The following RALGPS1 variants were observed in gnomAD, a reference collection of about 807,000 sequenced individuals.
RALGPS1 encodes the protein Ral GEF with PH domain and SH3 binding motif 1, also known as ras-specific guanine nucleotide-releasing factor RalGPS1.
RALGPS1 carries 19 observed loss-of-function variants against 78.8 expected under a neutral mutation model. The ratio of observed to expected loss-of-function variants is 0.24; its 90% confidence interval spans 0.17 to 0.35. The LOEUF is 0.35. Ranked by LOEUF, RALGPS1 falls within the 10% of genes least tolerant of loss-of-function variation. RALGPS1 has a pLI of 1.00. For synonymous variants in RALGPS1, 228 were observed against 256.3 expected (o/e 0.89, Z 1.06); for missense variants, 454 against 688.3 (o/e 0.66, Z 3.81).
intron 8 of RALGPS1, among the ~76,000 whole-genome samples, chr9:127,163,999 T>A (rs1057138095): frequency 6.6e-6 from 1 of 152,196 alleles, no homozygotes; most frequent in African/African-American, 2.4e-5. Context: ...ACAGATTTTT[T>A]ATTTTTTCTT....
intron 1 of RALGPS1, among the ~76,000 whole-genome samples, chr9:126,932,802 T>C (rs1431464076): frequency 1.3e-5 from 2 of 152,046 alleles, no homozygotes; most frequent in African/African-American, 4.8e-5. Flanking sequence ...TACAAATACA[T>C]ATATACATGT....
At chr9:127,013,569 C>G (rs1014541161) in intron 4 of RALGPS1, among the ~76,000 whole-genome samples, 4 of 152,074 alleles carry the variant, frequency 2.6e-5, no homozygotes, top group Non-Finnish European at 5.9e-5. Flanking sequence ...CAGTGCTACC[C>G]CTCAACTTTG....
At chr9:126,941,780 A>T (rs1353532705) in intron 1 of RALGPS1, among the ~76,000 whole-genome samples, 2 of 152,094 alleles carry the variant, frequency 1.3e-5, no homozygotes, top group Non-Finnish European at 2.9e-5. Context: ...GATCTCCCTC[A>T]CCTTTTTATC....
At chr9:126,988,777 A>T (rs1194004379) in intron 4 of RALGPS1, among the ~76,000 whole-genome samples, 2 of 152,262 alleles carry the variant, frequency 1.3e-5, no homozygotes, top group African/African-American at 4.8e-5. Flanking sequence ...CCAAGATGAG[A>T]GGAAGCAGGC....
intron 7 of RALGPS1, among the ~76,000 whole-genome samples, chr9:127,062,418 A>G (rs1172889740): frequency 6.6e-6 from 1 of 152,224 alleles, no homozygotes; most frequent in Non-Finnish European, 1.5e-5. Flanking sequence ...TTTTAAAAAG[A>G]TAAAATCATG....
chr9:127,078,669 G>A (rs1028266425), intron 8 of RALGPS1, among the ~76,000 whole-genome samples: 7 of 152,208 alleles, frequency 4.6e-5, no homozygotes, highest in African/African-American at 1.7e-4. Flanking sequence ...GCAAAGGGAG[G>A]ATCTGCAGTC....
intron 13 of RALGPS1, among the ~76,000 whole-genome samples, chr9:127,198,567 G>A (rs1298250848): frequency 6.6e-6 from 1 of 152,208 alleles, no homozygotes; most frequent in Non-Finnish European, 1.5e-5. Context: ...TGAGGCTTCT[G>A]TCTAATGCCA....
chr9:127,008,886 T>G (rs2044097417), intron 4 of RALGPS1, among the ~76,000 whole-genome samples: 1 of 152,244 alleles, frequency 6.6e-6, no homozygotes, highest in African/African-American at 2.4e-5. Flanking sequence ...TCTCTTCCTC[T>G]TTTCCTTCGG....
chr9:127,061,407 A>C (rs1301420481), intron 7 of RALGPS1, among the ~76,000 whole-genome samples: 1 of 152,240 alleles, frequency 6.6e-6, no homozygotes, highest in East Asian at 1.9e-4. Context: ...TTGCAAGTTG[A>C]GCTGAAGTAT....
intron 4 of RALGPS1, chr9:126,989,747 AAGG>A (rs2042114638): frequency 8.2e-7 from 1 of 1,220,608 alleles, no homozygotes; most frequent in Non-Finnish European, 1.1e-6. Flanking sequence ...TTTTGGGACA[AAGG>A]AGGCATTCTG....
intron 14 of RALGPS1, 61 bp downstream of exon 14, chr9:127,199,127 A>T: frequency 6.6e-7 from 1 of 1,519,788 alleles, no homozygotes; most frequent in East Asian, 2.3e-5. Flanking sequence ...GAGGGAGCCG[A>T]AGACAGGCCC....
intron 3 of RALGPS1, among the ~76,000 whole-genome samples, chr9:126,975,847 C>G (rs1190372567): frequency 1.3e-5 from 2 of 152,168 alleles, no homozygotes; most frequent in Non-Finnish European, 2.9e-5. Flanking sequence ...AGCTCAGATT[C>G]CGCTCCAGTG....
rs746130607 is a variant in RALGPS1, at chr9:127,069,239, C to A, written c.493C>A (p.Arg165=). Residue 165 remains arginine (R), a synonymous_variant, in exon 8 of 19, where the codon CGA becomes AGA. Coordinates refer to ENST00000259351, the MANE Select transcript of RALGPS1 (RefSeq NM_014636.3). ...RLTKTWALLN[R]KDKTTFEKLD... is the part of the protein sequence containing the mutation. The stretch of plus-strand genomic sequence containing the variant: ...TTTCTTCTCATTCTAGCTTTTAAAT[C>A]GAAAAGACAAGACTACCTTTGAGAA... 1.9e-5 allele frequency: 30 copies of A among 1,605,670 alleles called. No individual in the cohort carries two copies. Among genetic ancestry groups the A allele is most frequent in the Admixed American group, 3.4e-5 (2 of 59,532 alleles).
At chr9:126,946,646 G>A (rs990475012) in intron 1 of RALGPS1, among the ~76,000 whole-genome samples, 4 of 151,794 alleles carry the variant, frequency 2.6e-5, no homozygotes, top group Admixed American at 6.6e-5. Context: ...ACACACACAA[G>A]GGGAAGCTTC....
At chr9:126,929,862 A>G (rs1223635208) in intron 1 of RALGPS1, among the ~76,000 whole-genome samples, 1 of 151,166 alleles carries the variant, frequency 6.6e-6, no homozygotes, top group African/African-American at 2.4e-5. Context: ...TTTTTCAGAG[A>G]TGGAGTCTTG....
chr9:127,091,193 C>T lies in RALGPS1; in HGVS notation c.610+21837C>T, dbSNP rs961848842. Among the ~76,000 whole-genome samples the T allele has an allele frequency of 4.6e-5, 7 of 152,224 alleles. No individual in the cohort carries two copies. The highest frequency in any genetic ancestry group is 1.2e-4 in the African/African-American group (5 of 41,466). ...CCCTACTCTGCAATGTAGTTCTTGT[C>T]CTTACTTCCAGATGCAGAAACTGAG... On this transcript the variant is annotated intron_variant, in intron 8 of 18. Coordinates refer to ENST00000259351, the MANE Select transcript of RALGPS1 (RefSeq NM_014636.3). The surrounding 1 kb of genome is among the most constrained non-coding windows in gnomAD (Gnocchi z 4.3).
intron 8 of RALGPS1, among the ~76,000 whole-genome samples, chr9:127,104,508 C>T (rs1316189019): frequency 6.6e-6 from 1 of 152,244 alleles, no homozygotes; most frequent in Admixed American, 6.5e-5. Flanking sequence ...ATCACAGAAT[C>T]ATCCTAATCA....
At chr9:127,036,350 A>T in intron 5 of RALGPS1, among the ~76,000 whole-genome samples, 1 of 152,304 alleles carries the variant, frequency 6.6e-6, no homozygotes, top group East Asian at 1.9e-4. Flanking sequence ...GCAGAATTTT[A>T]TGTGTGAGAA....
intron 8 of RALGPS1, among the ~76,000 whole-genome samples, chr9:127,139,933 C>T (rs558203257): frequency 9.2e-5 from 14 of 152,318 alleles, no homozygotes; most frequent in African/African-American, 3.4e-4. Flanking sequence ...TCCCTATTCC[C>T]GTGCCACCCG....
Sources: allele counts gnomAD v4.1 joint callset (sites outside exome capture counted in the v4.1 genomes callset), GRCh38; gene constraint gnomAD v4.1.1; non-coding constraint Gnocchi (gnomAD v3.1); transcripts MANE v1.5; gene names NCBI Gene and HGNC (gene_info 2026-07-23, HGNC 2026-07-21).